The following RP1 variants were observed in gnomAD, a reference collection of about 807,000 sequenced individuals.
RP1 encodes the protein oxygen-regulated protein 1.
In RP1, 16 loss-of-function variants were observed where a neutral mutation model predicts 14.8. The ratio of observed to expected loss-of-function variants is 1.08; its 90% confidence interval spans 0.73 to 1.65. The LOEUF is 1.65. Among genes scored for constraint, RP1 ranks in the 40% most tolerant of loss-of-function variants. RP1 has a pLI of 0.00. For synonymous variants in RP1, 876 were observed against 883.6 expected (o/e 0.99, Z 0.15); for missense variants, 2,631 against 2,535.0 (o/e 1.04, Z -0.81).
intron 1 of RP1, among the ~76,000 whole-genome samples, chr8:54,573,649 C>A (rs546233564): frequency 6.6e-6 from 1 of 152,244 alleles, no homozygotes; most frequent in Admixed American, 6.5e-5. Flanking sequence ...TCCCACTCAA[C>A]AAGGTCATAA....
intron 24 of RP1, among the ~76,000 whole-genome samples, chr8:54,811,263 A>T (rs1199853337): frequency 6.6e-6 from 1 of 152,158 alleles, no homozygotes; most frequent in Non-Finnish European, 1.5e-5. Context: ...CCATGTCTGC[A>T]CTTCACCAGC....
chr8:54,583,837 G>A (rs1294732092), intron 1 of RP1, among the ~76,000 whole-genome samples: 1 of 152,038 alleles, frequency 6.6e-6, no homozygotes, highest in African/African-American at 2.4e-5. Flanking sequence ...CTGTGGGATC[G>A]GTGGTGATAT....
At chr8:54,562,988 C>T (rs749328393) in intron 1 of RP1, among the ~76,000 whole-genome samples, 1 of 152,028 alleles carries the variant, frequency 6.6e-6, no homozygotes, top group Admixed American at 6.5e-5. Flanking sequence ...TTACTGAGGC[C>T]CCTGGTAGGC....
At chr8:54,602,807 A>T (rs1329126875) in intron 1 of RP1, among the ~76,000 whole-genome samples, 1 of 151,998 alleles carries the variant, frequency 6.6e-6, no homozygotes, top group Non-Finnish European at 1.5e-5. Flanking sequence ...GCATTTTTTC[A>T]TGTGTCTTTT....
In RP1 at chr8:54,697,132, G is replaced by A. The variant is rs1201486742; in HGVS notation, c.1718-2335G>A. ...GCATCAATCAGCTCATCTAGACCTAGGTGCCGAACAGCACTACATTTTTAT... is the reference window on the plus strand; with the variant it reads ...GCATCAATCAGCTCATCTAGACCTAAGTGCCGAACAGCACTACATTTTTAT... On this transcript the variant is annotated intron_variant, in intron 12 of 22. Coordinates refer to the RP1 transcript ENST00000636932. 5.7e-6 allele frequency: 7 copies of A among 1,226,796 alleles called. No individual in the cohort carries two copies. The African/African-American group carries it at 7.4e-5, about 13-fold the overall frequency. The allele number at this position is 1,226,796 out of a possible 1,614,324, so 76.0% of individuals were successfully genotyped here. A position where few individuals can be genotyped will look rare whatever the true frequency, so the allele number is the denominator to read the frequency against.
At chr8:54,857,020 T>A (rs766485170) in intron 26 of RP1, 410 of 1,063,840 alleles carry the variant, frequency 3.9e-4, no homozygotes, top group Non-Finnish European at 4.7e-4. Flanking sequence ...TATTTCTTTA[T>A]TGTACAGGTT....
chr8:54,786,783 T>C (rs752633531), intron 24 of RP1, among the ~76,000 whole-genome samples: 3 of 152,142 alleles, frequency 2.0e-5, no homozygotes, highest in Non-Finnish European at 4.4e-5. Flanking sequence ...TTCAAGTTTC[T>C]ATTTCTCCAT....
chr8:54,703,328 A>T (rs1166383684), intron 14 of RP1, among the ~76,000 whole-genome samples: 5 of 152,226 alleles, frequency 3.3e-5, no homozygotes, highest in African/African-American at 1.2e-4. Flanking sequence ...AGGCATGAAA[A>T]TAACATTAAT....
At chr8:54,820,239 G>T (rs1308485824) in intron 24 of RP1, among the ~76,000 whole-genome samples, 10 of 152,064 alleles carry the variant, frequency 6.6e-5, no homozygotes, top group Admixed American at 2.6e-4. Flanking sequence ...GAGCTGTGCT[G>T]CCTGGGGCTG....
chr8:54,645,291 GAAACTGCC>G (rs1293665589), intron 3 of RP1, among the ~76,000 whole-genome samples: 1 of 152,144 alleles, frequency 6.6e-6, no homozygotes, highest in East Asian at 1.9e-4. Context: ...AACTTTACAA[GAAACTGCC>G]AAACTGTTTC....
At chr8:54,824,491 G>C (rs961680451) in intron 24 of RP1, among the ~76,000 whole-genome samples, 1 of 139,814 alleles carries the variant, frequency 7.2e-6, no homozygotes, top group African/African-American at 2.6e-5. Context: ...CAAATATTTA[G>C]AGAATTATTA....
chr8:54,696,787 G>T (rs548904849), intron 12 of RP1: 42 of 725,554 alleles, frequency 5.8e-5, no homozygotes, highest in Non-Finnish European at 9.8e-5. Flanking sequence ...ACCTAAAAAT[G>T]CCACGTATAG....
chr8:54,713,325 A>G (rs962141850), intron 15 of RP1, among the ~76,000 whole-genome samples: 12 of 152,196 alleles, frequency 7.9e-5, no homozygotes, highest in African/African-American at 2.9e-4. Context: ...GTTCATAGGG[A>G]CATTTGTAAG....
At chr8:54,772,011 A>C (rs1012041082), downstream of RP1, among the ~76,000 whole-genome samples, 6 of 152,094 alleles carry the variant, frequency 3.9e-5, no homozygotes, top group Non-Finnish European at 7.4e-5. Context: ...AAAGGACTCA[A>C]CTAAGTTATT....
chr8:54,622,419 ATTCT>A, intron 3 of RP1, 131 bp downstream of exon 3: 1 of 760,184 alleles, frequency 1.3e-6, no homozygotes, highest in South Asian at 1.5e-5. Flanking sequence ...ATTTAAAAAC[ATTCT>A]AAACTGAAAT....
chr8:54,869,848 T>G (rs1812545764), exon 29 of RP1: 6 of 1,226,138 alleles, frequency 4.9e-6, no homozygotes, highest in Admixed American at 4.2e-5. Context: ...GGCAGATGGC[T>G]AGATGAGTAC....
chr8:54,675,255 A>G (rs901580850), intron 8 of RP1, among the ~76,000 whole-genome samples: 2 of 152,188 alleles, frequency 1.3e-5, no homozygotes, highest in Non-Finnish European at 2.9e-5. Context: ...ATTCAAGACA[A>G]CAAGCATTAA....
At chr8:54,861,433 T>G (rs1183058183) in intron 27 of RP1, among the ~76,000 whole-genome samples, 1 of 151,012 alleles carries the variant, frequency 6.6e-6, no homozygotes, top group Non-Finnish European at 1.5e-5. Context: ...CAACATTGTT[T>G]CCAAGATCTA....
intron 1 of RP1, among the ~76,000 whole-genome samples, chr8:54,579,133 G>A (rs1220083825): frequency 1.3e-5 from 2 of 152,160 alleles, no homozygotes; most frequent in African/African-American, 2.4e-5. Flanking sequence ...GTTGTTTCAA[G>A]AACTCCAATC....
Sources: allele counts gnomAD v4.1 joint callset (sites outside exome capture counted in the v4.1 genomes callset), GRCh38; gene constraint gnomAD v4.1.1; transcripts MANE v1.5; gene names NCBI Gene and HGNC (gene_info 2026-07-23, HGNC 2026-07-21).